Variants in PARP8 observed in about 807,000 individuals in gnomAD.
The protein encoded by PARP8 is protein mono-ADP-ribosyltransferase PARP8.
In PARP8, 51 loss-of-function variants were observed where a neutral mutation model predicts 124.1. The observed-to-expected ratio is 0.41, with a 90% CI of 0.33 to 0.52. The LOEUF is 0.52. Among genes scored for constraint, PARP8 ranks in the 20% least tolerant of loss-of-function variants. The pLI, the probability that PARP8 is intolerant of heterozygous loss-of-function variation, is 0.21. For synonymous variants in PARP8, 391 were observed against 361.5 expected (o/e 1.08, Z -0.93); for missense variants, 860 against 1,018.9 (o/e 0.84, Z 2.12).
chr5:50,719,549 T>C (rs1409041078), intron 2 of PARP8, among the ~76,000 whole-genome samples: 1 of 152,050 alleles, frequency 6.6e-6, no homozygotes, highest in Admixed American at 6.6e-5. Context: ...CATATAGATA[T>C]CCAGTTTTCT....
intron 2 of PARP8, among the ~76,000 whole-genome samples, chr5:50,696,157 A>C (rs1272696930): frequency 6.6e-6 from 1 of 152,216 alleles, no homozygotes; most frequent in Non-Finnish European, 1.5e-5. Flanking sequence ...GAGTCAAACT[A>C]TACCATAGCT....
intron 14 of PARP8, 119 bp downstream of exon 14, chr5:50,797,352 A>G (rs111633656): frequency 1.8e-5 from 12 of 666,304 alleles, no homozygotes; most frequent in African/African-American, 1.3e-4. Flanking sequence ...TATTGAGCAA[A>G]TTATTTACAT....
At chr5:50,777,187 G>T (rs1387507667) in intron 7 of PARP8, among the ~76,000 whole-genome samples, 1 of 152,200 alleles carries the variant, frequency 6.6e-6, no homozygotes, top group Non-Finnish European at 1.5e-5. Flanking sequence ...TTATGCATCT[G>T]TAAAGCGGAG....
chr5:50,709,652 C>A (rs1322357287), intron 2 of PARP8, among the ~76,000 whole-genome samples: 1 of 151,648 alleles, frequency 6.6e-6, no homozygotes, highest in Non-Finnish European at 1.5e-5. Flanking sequence ...GTGCAGTAGC[C>A]ACAGGCTTAC....
At position 50,719,876 on chromosome 5, in the gene PARP8, T is replaced by A. The variant is rs561813308; in HGVS notation, c.147-30275T>A. ...CGCAGTACATCTTCAGAAATGATTTTCATTATGAAAAGTCAAAGCCTATCC... is the reference window on the plus strand; with the variant it reads ...CGCAGTACATCTTCAGAAATGATTTACATTATGAAAAGTCAAAGCCTATCC... On this transcript the variant is annotated intron_variant, in intron 2 of 25. Transcript: ENST00000281631. 3.9e-5 allele frequency among the ~76,000 whole-genome samples: 6 copies of A among 152,236 alleles called. No individual in the cohort carries two copies. The East Asian group carries it at 1.2e-3, about 29-fold the overall frequency.
intron 7 of PARP8, among the ~76,000 whole-genome samples, chr5:50,765,130 A>G (rs1319545249): frequency 6.6e-6 from 1 of 151,898 alleles, no homozygotes; most frequent in African/African-American, 2.4e-5. Context: ...GCATGGTGAC[A>G]GGTGCCGGTA....
At chr5:50,680,846 T>G (rs1283936349) in intron 2 of PARP8, among the ~76,000 whole-genome samples, 1 of 152,164 alleles carries the variant, frequency 6.6e-6, no homozygotes, top group African/African-American at 2.4e-5. Flanking sequence ...CTTTGTATAC[T>G]TTGTTAGGAC....
chr5:50,717,857 CAGGGAGAGAGA>C (rs2149497684), intron 2 of PARP8, among the ~76,000 whole-genome samples: 1 of 151,720 alleles, frequency 6.6e-6, no homozygotes, highest in South Asian at 2.1e-4. Flanking sequence ...TCAGCTGTGA[CAGGGAGAGAGA>C]AGTGACTGAT....
intron 5 of PARP8, among the ~76,000 whole-genome samples, chr5:50,761,365 A>T (rs997277990): frequency 6.6e-6 from 1 of 152,052 alleles, no homozygotes; most frequent in African/African-American, 2.4e-5. Context: ...TTTCATATTT[A>T]TTTTCATAAT....
At chr5:50,713,978 G>T (rs1755039587) in intron 2 of PARP8, among the ~76,000 whole-genome samples, 1 of 152,062 alleles carries the variant, frequency 6.6e-6, no homozygotes, top group Non-Finnish European at 1.5e-5. Context: ...CTTGATTCTG[G>T]TCTGGTTGAA....
chr5:50,682,928 C>G (rs1438508435), intron 2 of PARP8, among the ~76,000 whole-genome samples: 1 of 57,026 alleles, frequency 1.8e-5, no homozygotes, highest in Non-Finnish European at 4.4e-5. Flanking sequence ...GTCTAATAAG[C>G]GTGAGTACAT....
At chr5:50,739,713 T>TAC (rs1212241289) in intron 2 of PARP8, among the ~76,000 whole-genome samples, 11 of 97,402 alleles carry the variant, frequency 1.1e-4, no homozygotes, top group African/African-American at 5.1e-4. Flanking sequence ...TATATACATA[T>TAC]ATATATATAT....
intron 2 of PARP8, among the ~76,000 whole-genome samples, chr5:50,727,980 T>C (rs1335150183): frequency 1.3e-5 from 2 of 152,206 alleles, no homozygotes; most frequent in Non-Finnish European, 2.9e-5. Flanking sequence ...ACTTTCCACC[T>C]GTGTTGGCAC....
Position 50,829,834 on chromosome 5 carries a change from ATAT to A in PARP8, c.2164-54_2164-52del, listed in dbSNP as rs1487820552. 2.7e-6 allele frequency: 4 copies of A among 1,478,538 alleles called. No individual in the cohort carries two copies. The African/African-American group carries it at 4.2e-5, about 16-fold the overall frequency. 91.6% of individuals were successfully genotyped at this position (1,478,538 alleles called of 1,614,324 possible). ...GACATGAAACTGATTGCTTTGTCAA[ATAT>A]TATCATTTAAACCATGAACAGACCT... On this transcript the variant is annotated intron_variant, in intron 21 of 25. Transcript: ENST00000281631.
intron 25 of PARP8, among the ~76,000 whole-genome samples, chr5:50,836,027 G>A (rs1045855262): frequency 6.6e-6 from 1 of 152,036 alleles, no homozygotes; most frequent in African/African-American, 2.4e-5. Context: ...AGGTTGCTTC[G>A]GTATACTGTA....
chr5:50,760,023 C>T (rs1170709235), intron 4 of PARP8, among the ~76,000 whole-genome samples: 1 of 152,114 alleles, frequency 6.6e-6, no homozygotes, highest in Non-Finnish European at 1.5e-5. Flanking sequence ...ACACTTACAG[C>T]AATGAAGACA....
chr5:50,832,034 C>T (rs1374077512), intron 22 of PARP8, among the ~76,000 whole-genome samples: 2 of 152,160 alleles, frequency 1.3e-5, no homozygotes, highest in Non-Finnish European at 2.9e-5. Flanking sequence ...CCCATCCACC[C>T]CTCCACCTTT....
chr5:50,684,062 T>C (rs1751586188), intron 2 of PARP8, among the ~76,000 whole-genome samples: 1 of 152,176 alleles, frequency 6.6e-6, no homozygotes, highest in African/African-American at 2.4e-5. Flanking sequence ...CTTAAGTGGC[T>C]TTTTAGCTGG....
intron 2 of PARP8, among the ~76,000 whole-genome samples, chr5:50,704,190 G>A (rs541992085): frequency 2.6e-5 from 4 of 152,152 alleles, no homozygotes; most frequent in Non-Finnish European, 5.9e-5. Context: ...TGAAACTTGA[G>A]GCACATCTAA....
Sources: gnomAD v4.1 joint callset for allele counts (sites outside exome capture counted in the v4.1 genomes callset) on GRCh38, gnomAD v4.1.1 for gene constraint, MANE v1.5 for transcripts, NCBI Gene and HGNC (gene_info 2026-07-23, HGNC 2026-07-21) for gene names.